Variants in SYNPR observed in about 807,000 individuals in gnomAD.
SYNPR encodes synaptoporin.
In SYNPR, 23 loss-of-function variants were observed where a neutral mutation model predicts 32.9. The ratio of observed to expected loss-of-function variants is 0.70; its 90% CI spans 0.50 to 0.99. SYNPR has a LOEUF of 0.99. Ranked by LOEUF, SYNPR falls within the 50% of genes least tolerant of loss-of-function variation. The pLI, the probability that SYNPR is intolerant of heterozygous loss-of-function variation, is 0.00. For synonymous variants in SYNPR, 146 were observed against 135.9 expected (o/e 1.07, Z -0.52); for missense variants, 318 against 349.3 (o/e 0.91, Z 0.71).
At chr3:63,266,658 G>T (rs2086487266) in intron 2 of SYNPR, among the ~76,000 whole-genome samples, 1 of 139,656 alleles carries the variant, frequency 7.2e-6, no homozygotes, top group African/African-American at 2.7e-5. Context: ...AGTGAGCTGA[G>T]ATCACGCCAC....
Position 63,260,435 on chromosome 3 carries a change from A to G in SYNPR, n.155-6882A>G, listed in dbSNP as rs150527193. Among the ~76,000 whole-genome samples the G allele has an allele frequency of 7.2e-3, 1,091 of 152,326 alleles. 10 individuals are homozygous for G. Among genetic ancestry groups the G allele is most frequent in the African/African-American group, 0.025 (1,033 of 41,562 alleles). ...AACGCCACATATCTACAACCATCTG[A>G]TCTTTGACAAACCTGACAAAACAAG... On this transcript the variant is annotated intron_variant and non_coding_transcript_variant, in intron 2 of 4. Coordinates refer to the SYNPR transcript ENST00000478456.
chr3:63,333,459 T>C (rs1458737570), intron 2 of SYNPR, among the ~76,000 whole-genome samples: 1 of 152,162 alleles, frequency 6.6e-6, no homozygotes, highest in Non-Finnish European at 1.5e-5. Flanking sequence ...TTCTGTAACC[T>C]AGGCTGGAGT....
chr3:63,616,537 C>A lies in SYNPR; in HGVS notation c.*1056C>A, dbSNP rs1700280968. On this transcript the variant is annotated 3_prime_UTR_variant, in exon 6 of 6. Transcript: ENST00000478300. ...CCTCAATGTAATTATTAAAAATTCTCAAGTCACAGCTAAACTTACTAATTC... is the reference window on the plus strand; with the variant it reads ...CCTCAATGTAATTATTAAAAATTCTAAAGTCACAGCTAAACTTACTAATTC... The A allele has an allele frequency of 6.6e-6, 1 of 152,630 alleles. No homozygotes were observed. The highest frequency in any genetic ancestry group is 2.4e-5 in the African/African-American group (1 of 41,466). 9.5% of individuals were successfully genotyped at this position (152,630 alleles called of 1,614,324 possible). A position where few individuals can be genotyped will look rare whatever the true frequency, so the allele number is the denominator to read the frequency against.
intron 2 of SYNPR, among the ~76,000 whole-genome samples, chr3:63,316,142 A>T (rs558653653): frequency 1.3e-5 from 2 of 152,020 alleles, no homozygotes; most frequent in Non-Finnish European, 2.9e-5. Flanking sequence ...TCAGTTAGCT[A>T]GTATTTTGTT....
intron 4 of SYNPR, among the ~76,000 whole-genome samples, chr3:63,604,708 G>A (rs180714579): frequency 4.6e-4 from 70 of 152,134 alleles, no homozygotes; most frequent in African/African-American, 1.7e-3. Flanking sequence ...CATGAACATT[G>A]TTGATATGAT....
chr3:63,276,545 G>A (rs1206375952), upstream of SYNPR, among the ~76,000 whole-genome samples: 1 of 152,164 alleles, frequency 6.6e-6, no homozygotes, highest in African/African-American at 2.4e-5. Context: ...AGGTCTTGAA[G>A]AGGTTAAGTA....
intron 2 of SYNPR, among the ~76,000 whole-genome samples, chr3:63,457,416 C>A (rs1227798056): frequency 1.3e-5 from 2 of 151,854 alleles, no homozygotes; most frequent in Admixed American, 6.6e-5. Flanking sequence ...TCCCCTAGAA[C>A]TTTCTAGGAT....
At chr3:63,388,973 A>G (rs368383278) in intron 2 of SYNPR, among the ~76,000 whole-genome samples, 1 of 152,116 alleles carries the variant, frequency 6.6e-6, no homozygotes, top group South Asian at 2.1e-4. Flanking sequence ...CCAAAATTAG[A>G]TCTTTTTGGA....
chr3:63,447,132 G>C (rs1168980883), intron 2 of SYNPR, among the ~76,000 whole-genome samples: 1 of 152,098 alleles, frequency 6.6e-6, no homozygotes, highest in Non-Finnish European at 1.5e-5. Context: ...ATTTATGAGA[G>C]TTCTAAATAT....
At chr3:63,265,241 CTTTTTTTTT>C (rs71126590) in intron 2 of SYNPR, among the ~76,000 whole-genome samples, 3 of 102,210 alleles carry the variant, frequency 2.9e-5, no homozygotes, top group Admixed American at 1.1e-4. Context: ...TAATGACATT[CTTTTTTTTT>C]TTTTTTTTTT....
intron 3 of SYNPR, among the ~76,000 whole-genome samples, chr3:63,503,863 T>C (rs894767132): frequency 1.3e-5 from 2 of 151,970 alleles, no homozygotes; most frequent in African/African-American, 4.8e-5. Context: ...CTGAAAAAAA[T>C]GAATTATTTA....
intron 2 of SYNPR, among the ~76,000 whole-genome samples, chr3:63,442,540 CT>C (rs1305246473): frequency 3.9e-5 from 6 of 152,214 alleles, no homozygotes; most frequent in African/African-American, 1.2e-4. Context: ...CACACATTGC[CT>C]CAAGGTGCTA....
At chr3:63,331,037 C>G (rs2087224127) in intron 2 of SYNPR, among the ~76,000 whole-genome samples, 1 of 152,208 alleles carries the variant, frequency 6.6e-6, no homozygotes, top group African/African-American at 2.4e-5. Context: ...TCTTCATCAT[C>G]ATTGTAAGGA....
At chr3:63,481,355 C>T (rs1489476154) in intron 3 of SYNPR, among the ~76,000 whole-genome samples, 2 of 151,952 alleles carry the variant, frequency 1.3e-5, no homozygotes, top group Admixed American at 6.6e-5. Flanking sequence ...ATACATTTGA[C>T]TGTAGAAACT....
At chr3:63,514,963 T>A (rs763300424) in intron 3 of SYNPR, among the ~76,000 whole-genome samples, 1 of 152,098 alleles carries the variant, frequency 6.6e-6, no homozygotes, top group Non-Finnish European at 1.5e-5. Flanking sequence ...TTGTCAGTAA[T>A]CCTGAGTGGC....
chr3:63,572,823 T>C lies in SYNPR; in HGVS notation c.408+16082T>C, dbSNP rs373858796. On this transcript the variant is annotated intron_variant, in intron 4 of 5. Coordinates refer to ENST00000478300, the MANE Select transcript of SYNPR (RefSeq NM_001130003.2). ...TGCTACTTTATGCATATTCACTTTA[T>C]GAACTTAGACCTCCAGAAGCCTCCT... Among the ~76,000 whole-genome samples, 39 of 152,306 alleles carry C rather than the reference T, an allele frequency of 2.6e-4. 1 individual carries two copies. The South Asian group carries it at 3.9e-3, about 15-fold the overall frequency.
rs1702599646 is a variant in SYNPR, at chr3:63,556,606, G to C, written c.273G>C (p.Leu91Phe). Reference protein sequence around the residue: ...CEGKERQKLALIGDSSSSAEF... With the variant: ...CEGKERQKLAFIGDSSSSAEF... Reference sequence around the variant, plus strand: ...GAAAGGAACGGCAGAAGCTGGCATTGATTGGTGACTCCTCGTCTTCAGCAG... The same window carrying C: ...GAAAGGAACGGCAGAAGCTGGCATTCATTGGTGACTCCTCGTCTTCAGCAG... The change falls in exon 4 of 6, where the codon TTG becomes TTC. Residue 91 changes from leucine (L) to phenylalanine (F), a missense_variant. Leu to Phe is a conservative substitution (Grantham distance 22). Transcript: ENST00000478300. 1.2e-6 allele frequency: 2 copies of C among 1,613,854 alleles called. No homozygotes were observed. Among genetic ancestry groups the C allele is most frequent in the Non-Finnish European group, 8.5e-7 (1 of 1,179,826 alleles).
chr3:63,501,698 C>G (rs1422939655), intron 3 of SYNPR, among the ~76,000 whole-genome samples: 1 of 151,988 alleles, frequency 6.6e-6, no homozygotes, highest in South Asian at 2.1e-4. Context: ...GATATGATGA[C>G]TTTAAGAATT....
chr3:63,292,652 C>T (rs1488736180), intron 2 of SYNPR, among the ~76,000 whole-genome samples: 1 of 152,196 alleles, frequency 6.6e-6, no homozygotes, highest in Non-Finnish European at 1.5e-5. Context: ...ATTAGTGGCA[C>T]ATAGGAAACA....
Sources: allele counts gnomAD v4.1 joint callset (sites outside exome capture counted in the v4.1 genomes callset), GRCh38; gene constraint gnomAD v4.1.1; transcripts MANE v1.5; gene names NCBI Gene and HGNC (gene_info 2026-07-23, HGNC 2026-07-21).